DACH1: variants seen among roughly 807,000 people sequenced by gnomAD.
DACH1 encodes dachshund homolog 1.
DACH1 carries 12 observed loss-of-function variants against 54.2 expected under a neutral mutation model. The ratio of observed to expected loss-of-function variants is 0.22; its 90% CI spans 0.14 to 0.36. The LOEUF is 0.36. DACH1 is among the 10% of genes least tolerant of loss of function. DACH1 has a pLI of 1.00. For missense variants in DACH1, 805 were observed against 929.8 expected (o/e 0.87, Z 1.75); for synonymous variants, 386 against 366.2 (o/e 1.05, Z -0.62).
chr13:71,532,258 C>A (rs184147898), intron 6 of DACH1, among the ~76,000 whole-genome samples: 159 of 151,838 alleles, frequency 1.0e-3, no homozygotes, highest in African/African-American at 3.7e-3. Flanking sequence ...TAAAATCTAA[C>A]CTTTCAAGAG....
At chr13:71,701,977 G>A (rs1489190170) in intron 1 of DACH1, among the ~76,000 whole-genome samples, 2 of 152,144 alleles carry the variant, frequency 1.3e-5, no homozygotes, top group East Asian at 3.9e-4. Context: ...GTGTGCATGG[G>A]AAAGCTTCAG....
chr13:71,588,565 T>C (rs1176137006), intron 3 of DACH1, among the ~76,000 whole-genome samples: 2 of 152,060 alleles, frequency 1.3e-5, no homozygotes, highest in African/African-American at 2.4e-5. Context: ...GAATATCATA[T>C]TAGACAATTT....
intron 10 of DACH1, among the ~76,000 whole-genome samples, chr13:71,466,737 T>C (rs772684229): frequency 8.7e-5 from 13 of 149,532 alleles, no homozygotes; most frequent in Admixed American, 2.7e-4. Flanking sequence ...TCCCAAATAC[T>C]CAGGATGCTG....
chr13:71,552,768 T>C (rs1460369225), intron 6 of DACH1, among the ~76,000 whole-genome samples: 1 of 125,168 alleles, frequency 8.0e-6, no homozygotes, highest in Non-Finnish European at 1.6e-5. Context: ...TTTTCATGCA[T>C]ATATATATAT....
intron 3 of DACH1, among the ~76,000 whole-genome samples, chr13:71,597,254 A>C (rs1254252836): frequency 6.6e-6 from 1 of 152,216 alleles, no homozygotes; most frequent in Non-Finnish European, 1.5e-5. Context: ...GTGTTCTTAC[A>C]ACAAGAAAAT....
chr13:71,732,675 C>T (rs1381000887), intron 1 of DACH1, among the ~76,000 whole-genome samples: 1 of 151,266 alleles, frequency 6.6e-6, no homozygotes, highest in Non-Finnish European at 1.5e-5. Flanking sequence ...ATCTTGCCTA[C>T]CTTTATTTGT....
chr13:71,560,060 A>T, intron 4 of DACH1, 105 bp from the exon 5 acceptor site: 4 of 1,231,154 alleles, frequency 3.2e-6, no homozygotes, highest in Non-Finnish European at 3.3e-6. Flanking sequence ...ATGTAAAGAG[A>T]ATAAACACTT....
At chr13:71,616,459 AAAG>A (rs1875772727) in intron 3 of DACH1, among the ~76,000 whole-genome samples, 1 of 152,184 alleles carries the variant, frequency 6.6e-6, no homozygotes, top group Non-Finnish European at 1.5e-5. Context: ...CTAAATGAGA[AAAG>A]AAGATCAGGT....
At position 71,729,437 on chromosome 13, in the gene DACH1, A is replaced by G. The variant is rs547425253; in HGVS notation, c.849-47527T>C. ...TTTAGGAAAAGTAAATATATTAAGG[A>G]AAGCATCAACATGGCAATGACCTTG... On this transcript the variant is annotated intron_variant, in intron 1 of 10. Transcript: ENST00000613252. Among the ~76,000 whole-genome samples, 4 of 152,044 alleles carry G rather than the reference A, an allele frequency of 2.6e-5. No homozygotes were observed. The East Asian group carries it at 7.7e-4, about 29-fold the overall frequency.
intron 2 of DACH1, among the ~76,000 whole-genome samples, chr13:71,677,775 A>G (rs1350816681): frequency 1.3e-5 from 2 of 152,042 alleles, no homozygotes; most frequent in Non-Finnish European, 2.9e-5. Context: ...GCTGGAGTGC[A>G]GTGGTGCGAT....
intron 1 of DACH1, among the ~76,000 whole-genome samples, chr13:71,848,081 A>T (rs139598515): frequency 1.3e-5 from 2 of 152,298 alleles, no homozygotes; most frequent in African/African-American, 4.8e-5. Flanking sequence ...AGACTTAGCC[A>T]TCATAGAATG....
intron 3 of DACH1, among the ~76,000 whole-genome samples, chr13:71,587,372 C>T (rs1873360058): frequency 6.6e-6 from 1 of 151,994 alleles, no homozygotes; most frequent in Non-Finnish European, 1.5e-5. Flanking sequence ...ATGTAAGAGA[C>T]AGCAGTGGAT....
chr13:71,458,988 G>A (rs892347868), intron 10 of DACH1, among the ~76,000 whole-genome samples: 1 of 151,696 alleles, frequency 6.6e-6, no homozygotes, highest in Non-Finnish European at 1.5e-5. Flanking sequence ...CAGTGTATAA[G>A]CATTTGTTAA....
At chr13:71,619,460 A>C (rs1357119117) in intron 3 of DACH1, among the ~76,000 whole-genome samples, 2 of 151,960 alleles carry the variant, frequency 1.3e-5, no homozygotes, top group African/African-American at 4.8e-5. Flanking sequence ...CAATTAATAA[A>C]AAATACCATC....
chr13:71,562,153 A>C (rs1473998752), intron 4 of DACH1, among the ~76,000 whole-genome samples: 1 of 152,162 alleles, frequency 6.6e-6, no homozygotes, highest in African/African-American at 2.4e-5. Context: ...AAAAGACAAT[A>C]AACTCCCACA....
chr13:71,703,445 A>C (rs1882262472), intron 1 of DACH1, among the ~76,000 whole-genome samples: 1 of 152,212 alleles, frequency 6.6e-6, no homozygotes, highest in African/African-American at 2.4e-5. Flanking sequence ...AGAGCTCAGC[A>C]GAGTGGTCCC....
chr13:71,501,743 G>A (rs941571312), intron 6 of DACH1, among the ~76,000 whole-genome samples: 2 of 152,166 alleles, frequency 1.3e-5, no homozygotes, highest in African/African-American at 4.8e-5. Context: ...TTCAGAGTCA[G>A]AGGCATTGCT....
chr13:71,697,324 T>C (rs749986315), intron 1 of DACH1, among the ~76,000 whole-genome samples: 1 of 152,214 alleles, frequency 6.6e-6, no homozygotes, highest in Non-Finnish European at 1.5e-5. Context: ...AACATTGTCT[T>C]AGCAGTTATT....
intron 1 of DACH1, among the ~76,000 whole-genome samples, chr13:71,830,477 A>G (rs1212023134): frequency 1.3e-5 from 2 of 151,888 alleles, no homozygotes; most frequent in African/African-American, 4.8e-5. Context: ...GCAGCACTAG[A>G]GAAAGTCTAA....
Sources: allele counts gnomAD v4.1 joint callset (sites outside exome capture counted in the v4.1 genomes callset), GRCh38; gene constraint gnomAD v4.1.1; transcripts MANE v1.5; gene names NCBI Gene and HGNC (gene_info 2026-07-23, HGNC 2026-07-21).